CNIH1: variants seen among roughly 807,000 people sequenced by gnomAD.
CNIH1 encodes the protein cornichon family member 1.
In CNIH1, 12 loss-of-function variants were observed where a neutral mutation model predicts 20.2. That is an observed-to-expected ratio of 0.59 (90% CI 0.38 to 0.96). The LOEUF (loss-of-function observed/expected upper bound fraction) is 0.96. CNIH1 is among the 40% of genes least tolerant of loss of function. The pLI is 0.00. For missense variants in CNIH1, 152 were observed against 178.8 expected, an observed-to-expected ratio of 0.85 and a Z score of 0.85; for synonymous variants, 69 against 63.3, an observed-to-expected ratio of 1.09 and a Z score of -0.43.
chr14:54,428,927 T>C (rs1479818021), intron 4 of CNIH1, among the ~76,000 whole-genome samples: 3 of 152,218 alleles, frequency 2.0e-5, no homozygotes, highest in Non-Finnish European at 4.4e-5. Context: ...AAGAGAAATA[T>C]GAATATGAAT....
chr14:54,434,885 T>C (rs1250830889), intron 2 of CNIH1, among the ~76,000 whole-genome samples: 3 of 152,228 alleles, frequency 2.0e-5, no homozygotes. Context: ...GCTAATAAGT[T>C]AATACTTTTA....
At chr14:54,436,203 T>C (rs1031484175) in intron 2 of CNIH1, 166 bp downstream of exon 2, 10 of 707,524 alleles carry the variant, frequency 1.4e-5, no homozygotes, top group South Asian at 3.0e-5. Context: ...AGATTAATAA[T>C]AGAATAGTCA....
chr14:54,427,739 T>C lies in CNIH1; in HGVS notation c.*75A>G, dbSNP rs1013893120. ...TTCCACAGGCTACTCTTGGACAGGA[T>C]CTTGCTGGATAGAATCCCTTCATTT... On this transcript the variant is annotated 3_prime_UTR_variant, in exon 5 of 5. Transcript: ENST00000216416. 46 of 1,477,552 alleles carry C rather than the reference T, an allele frequency of 3.1e-5. No individual in the cohort carries two copies. The Admixed American group carries it at 7.0e-4, about 22-fold the overall frequency. The allele number at this position is 1,477,552 out of a possible 1,614,324, so 91.5% of individuals were successfully genotyped here.
At chr14:54,437,987 T>TC (rs993014853) in intron 1 of CNIH1, among the ~76,000 whole-genome samples, 13 of 151,924 alleles carry the variant, frequency 8.6e-5, no homozygotes, top group Non-Finnish European at 1.0e-4. Context: ...GGTTTTTTTT[T>TC]TTTTTTTCTT....
Position 54,432,149 on chromosome 14 carries a change from T to C in CNIH1, c.222A>G (p.Thr74=). ...CCAAGAGGGGCATATTGAGACCCAGTGTAAGCCACTCTGCTGCACAAAGAA... is the reference window on the plus strand; with the variant it reads ...CCAAGAGGGGCATATTGAGACCCAGCGTAAGCCACTCTGCTGCACAAAGAA... ...VMFLCAAEWL[T]LGLNMPLLAY... The change falls in exon 3 of 5, where the codon ACA becomes ACG. Residue 74 remains threonine (T), a synonymous_variant. Transcript: ENST00000216416. 1 of 1,570,644 alleles carries C rather than the reference T, an allele frequency of 6.4e-7. No individual in the cohort carries two copies.
chr14:54,437,996 T>C (rs940826657), intron 1 of CNIH1, among the ~76,000 whole-genome samples: 13 of 147,992 alleles, frequency 8.8e-5, no homozygotes, highest in African/African-American at 2.7e-4. Flanking sequence ...TTTTTTTTTC[T>C]TGAGACAGGG....
intron 1 of CNIH1, among the ~76,000 whole-genome samples, chr14:54,439,548 CTTT>C (rs2031126051): frequency 1.3e-5 from 2 of 148,994 alleles, no homozygotes; most frequent in Admixed American, 1.3e-4. Context: ...CACTTTCTTT[CTTT>C]CTTTTTTTTT....
intron 1 of CNIH1, among the ~76,000 whole-genome samples, chr14:54,438,175 T>C (rs889516206): frequency 6.6e-6 from 1 of 152,124 alleles, no homozygotes; most frequent in Non-Finnish European, 1.5e-5. Flanking sequence ...AGATGGGATT[T>C]TACCATGTTG....
At chr14:54,437,617 T>C (rs1312087237) in intron 1 of CNIH1, among the ~76,000 whole-genome samples, 1 of 151,714 alleles carries the variant, frequency 6.6e-6, no homozygotes, top group African/African-American at 2.4e-5. Flanking sequence ...GCCTGGCACA[T>C]AGTTAAGTGT....
chr14:54,427,862 G>A lies in CNIH1; in HGVS notation c.408-21C>T, dbSNP rs375233739. 80 of 1,610,718 alleles carry A rather than the reference G, an allele frequency of 5.0e-5. No individual in the cohort carries two copies. The African/African-American group carries it at 9.9e-4, about 20-fold the overall frequency. ...TCATGCTGAAAAGAAGAAAAAAGAT[G>A]TTAATTTGAACATTACTAATTATTA... On this transcript the variant is annotated intron_variant, in intron 4 of 4. Transcript: ENST00000216416.
intron 1 of CNIH1, among the ~76,000 whole-genome samples, 194 bp downstream of exon 1, chr14:54,441,053 C>T (rs1012563254): frequency 2.0e-5 from 3 of 151,758 alleles, no homozygotes; most frequent in African/African-American, 7.2e-5. Flanking sequence ...GCGGGCGCGT[C>T]CACCTGGCGA....
At position 54,426,214 on chromosome 14, in the gene CNIH1, G is replaced by GT. The variant is rs2030824112; in HGVS notation, c.*1599dup. 3 of 152,208 alleles carry GT rather than the reference G, an allele frequency of 2.0e-5. 1 individual carries two copies. In the South Asian group the frequency reaches 6.2e-4, roughly 31 times the overall value. 9.4% of individuals were successfully genotyped at this position (152,208 alleles called of 1,614,324 possible). A position where few individuals can be genotyped will look rare whatever the true frequency, so the allele number is the denominator to read the frequency against. On this transcript the variant is annotated 3_prime_UTR_variant, in exon 5 of 5. Coordinates refer to ENST00000216416, the MANE Select transcript of CNIH1 (RefSeq NM_005776.3). Reference sequence around the variant, plus strand: ...TTAAAGCTTTCCTTGTTATGGAACAGTTTGAGTCTCTTCACTCTTCTGGTT... The same window carrying GT: ...TTAAAGCTTTCCTTGTTATGGAACAGTTTTGAGTCTCTTCACTCTTCTGGTT...
intron 1 of CNIH1, among the ~76,000 whole-genome samples, chr14:54,440,942 C>G (rs991109741): frequency 2.0e-5 from 3 of 151,796 alleles, no homozygotes; most frequent in Admixed American, 2.0e-4. Flanking sequence ...CGGCAGAGGT[C>G]GGTGCGAACG....
chr14:54,435,974 C>A (rs2031046828), intron 2 of CNIH1: 2 of 644,702 alleles, frequency 3.1e-6, no homozygotes, highest in South Asian at 1.7e-5. Context: ...CCTCAACAGG[C>A]ATATGAACGA....
At chr14:54,436,620 AAC>A (rs1235603366) in intron 1 of CNIH1, 183 bp from the exon 2 acceptor site, 2 of 582,902 alleles carry the variant, frequency 3.4e-6, no homozygotes, top group South Asian at 2.1e-5. Flanking sequence ...TTAAAGTGAA[AAC>A]ACTCTTATCT....
chr14:54,436,252 A>G (rs762781690), intron 2 of CNIH1, 117 bp downstream of exon 2: 10 of 720,330 alleles, frequency 1.4e-5, no homozygotes, highest in Non-Finnish European at 2.3e-5. Flanking sequence ...AATTCTGCCT[A>G]CTTCAAAAAG....
At chr14:54,438,376 C>A (rs920747640) in intron 1 of CNIH1, among the ~76,000 whole-genome samples, 8 of 152,252 alleles carry the variant, frequency 5.3e-5, no homozygotes, top group Non-Finnish European at 1.2e-4. Flanking sequence ...TAATGATTTT[C>A]AAATCTTTTT....
At chr14:54,435,551 G>A (rs910070123) in intron 2 of CNIH1, among the ~76,000 whole-genome samples, 4 of 152,110 alleles carry the variant, frequency 2.6e-5, no homozygotes, top group Admixed American at 2.0e-4. Context: ...TATACAAATT[G>A]TTATCTACAA....
intron 1 of CNIH1, among the ~76,000 whole-genome samples, chr14:54,437,678 TAA>T (rs199875640): frequency 6.8e-6 from 1 of 147,198 alleles, no homozygotes; most frequent in Non-Finnish European, 1.5e-5. Flanking sequence ...CACTAGGGAT[TAA>T]AAAAAAAAAA....
Sources: gnomAD v4.1 joint callset for allele counts (sites outside exome capture counted in the v4.1 genomes callset) on GRCh38, gnomAD v4.1.1 for gene constraint, MANE v1.5 for transcripts, NCBI Gene and HGNC (gene_info 2026-07-23, HGNC 2026-07-21) for gene names.